The following B3GALT1 variants were observed in gnomAD, a reference collection of about 807,000 sequenced individuals.
B3GALT1 encodes beta-1,3-galactosyltransferase 1.
B3GALT1 carries 10 observed loss-of-function variants against 23.2 expected under a neutral mutation model. That is an observed-to-expected ratio of 0.43 (90% CI 0.27 to 0.73). The LOEUF is 0.73. B3GALT1 is among the 30% of genes least tolerant of loss of function. B3GALT1 has a pLI of 0.21. For synonymous variants in B3GALT1, 156 were observed against 141.5 expected (o/e 1.10, Z -0.73); for missense variants, 299 against 405.4 (o/e 0.74, Z 2.25).
intron 3 of B3GALT1, among the ~76,000 whole-genome samples, chr2:167,776,880 A>G (rs1319027930): frequency 6.6e-6 from 1 of 151,898 alleles, no homozygotes; most frequent in African/African-American, 2.4e-5. Flanking sequence ...TTTGTCTTTG[A>G]AAAAAAACCT....
chr2:167,410,858 T>C (rs981419535), intron 1 of B3GALT1, among the ~76,000 whole-genome samples: 13 of 152,172 alleles, frequency 8.5e-5, no homozygotes, highest in Non-Finnish European at 1.6e-4. Flanking sequence ...GTGGTTCTTA[T>C]ACAGGTCATT....
At chr2:167,690,870 T>A (rs2105501113) in intron 3 of B3GALT1, among the ~76,000 whole-genome samples, 1 of 152,264 alleles carries the variant, frequency 6.6e-6, no homozygotes, top group South Asian at 2.1e-4. Flanking sequence ...ATTATTTGCA[T>A]GCAGAAGAAT....
chr2:167,334,378 A>G (rs1406395524), intron 1 of B3GALT1, among the ~76,000 whole-genome samples: 1 of 152,188 alleles, frequency 6.6e-6, no homozygotes, highest in African/African-American at 2.4e-5. Context: ...TGGTTTAACC[A>G]TGCTTTATAA....
chr2:167,764,631 T>G (rs1687946958), intron 3 of B3GALT1, among the ~76,000 whole-genome samples: 1 of 152,230 alleles, frequency 6.6e-6, no homozygotes, highest in African/African-American at 2.4e-5. Flanking sequence ...ATTATATTTC[T>G]AGATAAATGC....
At chr2:167,459,915 AG>A (rs1287441128) in intron 1 of B3GALT1, among the ~76,000 whole-genome samples, 1 of 152,156 alleles carries the variant, frequency 6.6e-6, no homozygotes, top group Non-Finnish European at 1.5e-5. Flanking sequence ...GTTTCATTTT[AG>A]CCCTTTGAAT....
chr2:167,440,344 GAAA>G (rs745706207), intron 1 of B3GALT1, among the ~76,000 whole-genome samples: 9 of 70,126 alleles, frequency 1.3e-4, no homozygotes, highest in African/African-American at 1.9e-4. Flanking sequence ...GACTCTGTCT[GAAA>G]AAAAAAAAAA....
chr2:167,508,447 A>T (rs983837831), intron 2 of B3GALT1, among the ~76,000 whole-genome samples: 11 of 151,494 alleles, frequency 7.3e-5, no homozygotes, highest in African/African-American at 2.7e-4. Context: ...TTTAGTAGAG[A>T]CGGGGTTTCA....
At chr2:167,295,664 A>T (rs1476211359) in intron 1 of B3GALT1, among the ~76,000 whole-genome samples, 1 of 152,238 alleles carries the variant, frequency 6.6e-6, no homozygotes, top group Non-Finnish European at 1.5e-5. Flanking sequence ...TCACCTTGAC[A>T]TCAAGTAACA....
At chr2:167,762,210 C>G (rs1263788566) in intron 3 of B3GALT1, among the ~76,000 whole-genome samples, 1 of 152,114 alleles carries the variant, frequency 6.6e-6, no homozygotes, top group Non-Finnish European at 1.5e-5. Flanking sequence ...CCCTACAGTT[C>G]TCAGCACAAT....
chr2:167,404,041 C>T (rs1698236414), intron 1 of B3GALT1, among the ~76,000 whole-genome samples: 1 of 152,096 alleles, frequency 6.6e-6, no homozygotes, highest in Admixed American at 6.6e-5. Flanking sequence ...ATTTTGCTCA[C>T]AGTTCTTCAG....
chr2:167,677,627 C>G (rs1686450635), intron 3 of B3GALT1, among the ~76,000 whole-genome samples: 1 of 152,202 alleles, frequency 6.6e-6, no homozygotes, highest in South Asian at 2.1e-4. Flanking sequence ...CCTTGCCCTG[C>G]TAGGGGCAGT....
intron 1 of B3GALT1, among the ~76,000 whole-genome samples, chr2:167,484,844 G>A (rs112713796): frequency 6.6e-6 from 1 of 152,282 alleles, no homozygotes; most frequent in African/African-American, 2.4e-5. Context: ...CAACTTTGCC[G>A]TGGCCATTTC....
intron 4 of B3GALT1, among the ~76,000 whole-genome samples, chr2:167,859,848 G>A (rs188229188): frequency 6.6e-6 from 1 of 152,188 alleles, no homozygotes; most frequent in Non-Finnish European, 1.5e-5. Context: ...AGCGTTCAGG[G>A]ATTTCAACAT....
intron 3 of B3GALT1, among the ~76,000 whole-genome samples, chr2:167,663,905 G>A (rs1042587181): frequency 3.3e-5 from 5 of 151,528 alleles, no homozygotes; most frequent in Non-Finnish European, 4.4e-5. Flanking sequence ...CTCCCATTTT[G>A]TGGGTTGCCT....
chr2:167,404,866 C>G (rs1193589772), intron 1 of B3GALT1, among the ~76,000 whole-genome samples: 1 of 152,138 alleles, frequency 6.6e-6, no homozygotes, highest in African/African-American at 2.4e-5. Context: ...TAATTGCTGT[C>G]CCTTTATTTC....
At chr2:167,625,173 C>T (rs1685318641) in intron 2 of B3GALT1, among the ~76,000 whole-genome samples, 1 of 151,818 alleles carries the variant, frequency 6.6e-6, no homozygotes, top group Non-Finnish European at 1.5e-5. Context: ...TAAACCCTTC[C>T]CTCTTTTTCT....
intron 1 of B3GALT1, among the ~76,000 whole-genome samples, chr2:167,349,772 T>G (rs1395763105): frequency 6.6e-6 from 1 of 152,146 alleles, no homozygotes; most frequent in Non-Finnish European, 1.5e-5. Context: ...ACTGGGGGTC[T>G]TGGAATGTAT....
At chr2:167,615,077 T>C (rs965234874) in intron 2 of B3GALT1, among the ~76,000 whole-genome samples, 6 of 152,060 alleles carry the variant, frequency 3.9e-5, no homozygotes, top group African/African-American at 1.4e-4. Context: ...AAAATAATCT[T>C]GGATTAACCA....
intron 3 of B3GALT1, among the ~76,000 whole-genome samples, chr2:167,721,387 G>C (rs1362792650): frequency 6.6e-6 from 1 of 152,074 alleles, no homozygotes; most frequent in Non-Finnish European, 1.5e-5. Flanking sequence ...TATTGCCTTT[G>C]ATTATTCCCT....
Sources: allele counts gnomAD v4.1 joint callset (sites outside exome capture counted in the v4.1 genomes callset), GRCh38; gene constraint gnomAD v4.1.1; transcripts MANE v1.5; gene names NCBI Gene and HGNC (gene_info 2026-07-23, HGNC 2026-07-21).